LY6G5B: variants seen among roughly 807,000 people sequenced by gnomAD.
LY6G5B encodes the protein lymphocyte antigen 6 family member G5B, also known as lymphocyte antigen 6 complex locus protein G5b.
Under a neutral mutation model 6.7 loss-of-function variants are expected in LY6G5B, and 6 were observed. That is an observed-to-expected ratio of 0.89 (90% CI 0.49 to 1.76). The LOEUF is 1.76. Among genes scored for constraint, LY6G5B ranks in the 40% most tolerant of loss-of-function variants. The pLI, the probability that LY6G5B is intolerant of heterozygous loss-of-function variation, is 0.01. For synonymous variants in LY6G5B, 98 were observed against 99.4 expected (o/e 0.99, Z 0.09); for missense variants, 240 against 249.5 (o/e 0.96, Z 0.26).
exon 1 of LY6G5B, chr6:31,670,176 G>C: frequency 2.0e-6 from 1 of 509,570 alleles, no homozygotes; most frequent in Non-Finnish European, 3.4e-6. Flanking sequence ...AACCAGGACA[G>C]ATTTGTGCTC....
Position 31,670,228 on chromosome 6 carries a change from TC to T in LY6G5B, c.-721del. 2 of 397,370 alleles carry T rather than the reference TC, an allele frequency of 5.0e-6. No homozygotes were observed. The highest frequency in any genetic ancestry group is 9.0e-6 in the Non-Finnish European group (2 of 222,978). The allele number at this position is 397,370 out of a possible 1,614,324, so 24.6% of individuals were successfully genotyped here. On this transcript the variant is annotated 5_prime_UTR_variant, in exon 1 of 3. It introduces an in-frame stop codon into an upstream open reading frame of the 5' UTR. Coordinates refer to ENST00000375864, the Ensembl canonical transcript of LY6G5B. Reference sequence around the variant, plus strand: ...TTTTTAGTATGGAGCAGAACAGAATTCCTAGGACTGCGTGTGATGAAATGCA... The same window carrying T: ...TTTTTAGTATGGAGCAGAACAGAATTCTAGGACTGCGTGTGATGAAATGCA...
exon 3 of LY6G5B, chr6:31,672,879 C>G (rs1202948115): frequency 6.5e-6 from 1 of 155,028 alleles, no homozygotes; most frequent in Non-Finnish European, 1.4e-5. Context: ...CCCCATCCCT[C>G]TCAATCCAGT....
exon 1 of LY6G5B, chr6:31,670,893 G>A: frequency 6.5e-7 from 1 of 1,533,080 alleles, no homozygotes; most frequent in South Asian, 1.3e-5. Flanking sequence ...CATGGTCACA[G>A]GAAGGTGGGG....
chr6:31,671,399 A>G, intron 2 of LY6G5B, 115 bp downstream of exon 2: 1 of 1,460,022 alleles, frequency 6.8e-7, no homozygotes, highest in Non-Finnish European at 9.4e-7. Context: ...GGAGGGGCTG[A>G]GTGCAATGGC....
At chr6:31,672,326 G>A in exon 3 of LY6G5B, 1 of 1,559,586 alleles carries the variant, frequency 6.4e-7, no homozygotes, top group East Asian at 2.3e-5. Context: ...TCAGCATCCT[G>A]CACTGCCCTC....
At chr6:31,671,803 AGG>A in intron 2 of LY6G5B, 59 bp from the exon 3 acceptor site, 1 of 1,536,904 alleles carries the variant, frequency 6.5e-7, no homozygotes, top group South Asian at 1.3e-5. Context: ...AGTCAGTAGC[AGG>A]GGTTCTTGGA....
In LY6G5B at chr6:31,671,884, G is replaced by A. The variant is rs115756973; in HGVS notation, c.208G>A (p.Val70Ile). ...CTCAGATGTCAAGGTTCGCTTCATC[G>A]TTCGAGGCTGTGGACAGTACATTTC... Residue 70 changes from valine to isoleucine, a missense_variant, in exon 3 of 3, where the codon GTT (valine) becomes ATT (isoleucine). Physicochemically the swap from Val to Ile is conservative, Grantham distance 29. Transcript: ENST00000375864. 7.4e-5 allele frequency: 119 copies of A among 1,609,178 alleles called. No homozygotes were observed. The African/African-American group carries it at 1.3e-3, about 18-fold the overall frequency.
intron 2 of LY6G5B, 46 bp from the exon 3 acceptor site, chr6:31,671,818 A>G: frequency 6.4e-7 from 1 of 1,563,416 alleles, no homozygotes. Flanking sequence ...TTCTTGGACT[A>G]TGGGAAGCTA....
At chr6:31,672,116 C>G in exon 3 of LY6G5B, 1 of 1,613,134 alleles carries the variant, frequency 6.2e-7, no homozygotes, top group Non-Finnish European at 8.5e-7. Context: ...CTGCCCCTCC[C>G]CAATTTCCAT....
rs1802139116 is a variant in LY6G5B, at chr6:31,670,605, A to G, written c.-346A>G. The G allele has an allele frequency of 3.2e-6, 1 of 315,814 alleles. No individual in the cohort carries two copies. The highest frequency in any genetic ancestry group is 2.1e-5 in the African/African-American group (1 of 46,870). 19.6% of individuals were successfully genotyped at this position (315,814 alleles called of 1,614,324 possible). A position where few individuals can be genotyped will look rare whatever the true frequency, so the allele number is the denominator to read the frequency against. ...TGGTGGCAGAGATAGATACTAACCC[A>G]TGGACTTTCCAAGGGAGGGAATAGG... On this transcript the variant is annotated 5_prime_UTR_variant, in exon 1 of 3. It removes an upstream start codon present in the reference 5' UTR. Transcript: ENST00000375864.
At chr6:31,672,429 C>G (rs1802303479) in exon 3 of LY6G5B, 2 of 911,206 alleles carry the variant, frequency 2.2e-6, no homozygotes, top group Non-Finnish European at 1.6e-6. Flanking sequence ...GTAATTTTCT[C>G]TCTTGAACTC....
chr6:31,671,870 A>C (rs759259947), exon 3 of LY6G5B: 2 of 1,605,486 alleles, frequency 1.2e-6, no homozygotes, highest in Non-Finnish European at 1.7e-6. Flanking sequence ...TCAGATGTCA[A>C]GGTTCGCTTC....
exon 2 of LY6G5B, chr6:31,671,227 T>C (rs771289689): frequency 1.9e-6 from 3 of 1,613,992 alleles, no homozygotes; most frequent in Non-Finnish European, 1.7e-6. Flanking sequence ...CATTTCAGGC[T>C]CAGAGAAGTG....
In LY6G5B at chr6:31,671,153, C is replaced by T. The variant is rs774225335; in HGVS notation, c.59-3C>T. The T allele has an allele frequency of 5.6e-6, 9 of 1,614,024 alleles. No individual in the cohort carries two copies. The highest frequency in any genetic ancestry group is 3.4e-6 in the Non-Finnish European group (4 of 1,180,000). Reference sequence around the variant, plus strand: ...GCCTCCATCCCTCCTTCTGCCTCCCCAGTTCCTGTTCCCGACATCCGGACG... The same window carrying T: ...GCCTCCATCCCTCCTTCTGCCTCCCTAGTTCCTGTTCCCGACATCCGGACG... On this transcript the variant is annotated splice_polypyrimidine_tract_variant and splice_region_variant and intron_variant, in intron 1 of 2. Transcript: ENST00000375864.
In LY6G5B at chr6:31,672,569, C is replaced by T. The variant is rs151019335; in HGVS notation, c.*287C>T. On this transcript the variant is annotated 3_prime_UTR_variant, in exon 3 of 3. Coordinates refer to ENST00000375864, the Ensembl canonical transcript of LY6G5B. ...CAGCGATTCTCCTGCCTCAGCCTCC[C>T]GAGTAGCTGGGACTACAGGCGTGCA... 2.2e-3 allele frequency: 995 copies of T among 451,306 alleles called. 2 individuals are homozygous for T. Among genetic ancestry groups the T allele is most frequent in the Middle Eastern group, 0.01 (18 of 1,720 alleles). 28.0% of individuals were successfully genotyped at this position (451,306 alleles called of 1,614,324 possible).
At chr6:31,671,752 C>G (rs750674731) in intron 2 of LY6G5B, 112 bp from the exon 3 acceptor site, 30 of 1,319,486 alleles carry the variant, frequency 2.3e-5, no homozygotes, top group African/African-American at 2.9e-5. Context: ...TTGAAGGACT[C>G]TGGGTTAGAA....
At chr6:31,673,326 C>CCACCAA (rs1257501050) in exon 3 of LY6G5B, 2 of 152,498 alleles carry the variant, frequency 1.3e-5, no homozygotes, top group Non-Finnish European at 2.9e-5. Context: ...ATTTTGTGTC[C>CCACCAA]CTGCCTCACT....
At chr6:31,670,422 G>T (rs1802123651) in exon 1 of LY6G5B, 1 of 172,236 alleles carries the variant, frequency 5.8e-6, no homozygotes, top group Non-Finnish European at 1.2e-5. Flanking sequence ...GTGGAACGAG[G>T]TGGGACAAGG....
exon 3 of LY6G5B, chr6:31,672,493 G>A: frequency 1.6e-6 from 1 of 622,116 alleles, no homozygotes; most frequent in Non-Finnish European, 2.8e-6. Flanking sequence ...CACCCAGGGT[G>A]GAGTGCAGTG....
Sources: allele counts gnomAD v4.1 joint callset, GRCh38; gene constraint gnomAD v4.1.1; transcripts MANE v1.5; gene names NCBI Gene and HGNC (gene_info 2026-07-23, HGNC 2026-07-21).